The following CLEC12B variants were observed in gnomAD, a reference collection of about 807,000 sequenced individuals.
The protein encoded by CLEC12B is C-type lectin domain family 12 member B, also known as macrophage antigen h.
In CLEC12B, 25 loss-of-function variants were observed where a neutral mutation model predicts 36.1. The ratio of observed to expected loss-of-function variants is 0.69; its 90% CI spans 0.50 to 0.97. The LOEUF (loss-of-function observed/expected upper bound fraction) is 0.97. Ranked by LOEUF, CLEC12B falls within the 50% of genes least tolerant of loss-of-function variation. CLEC12B has a pLI of 0.00. For synonymous variants in CLEC12B, 110 were observed against 108.5 expected (o/e 1.01, Z -0.09); for missense variants, 325 against 318.4 (o/e 1.02, Z -0.16).
chr12:10,015,176 A>G (rs947040592), intron 3 of CLEC12B, 76 bp from the exon 4 acceptor site: 1 of 1,218,476 alleles, frequency 8.2e-7, no homozygotes, highest in South Asian at 1.4e-5. Flanking sequence ...GTTCAATTAC[A>G]TGATTTTGTT....
At chr12:10,011,992 A>G (rs766736910) in intron 1 of CLEC12B, among the ~76,000 whole-genome samples, 6 of 152,218 alleles carry the variant, frequency 3.9e-5, no homozygotes, top group Non-Finnish European at 5.9e-5. Flanking sequence ...ATCAAGGGAT[A>G]TGAAGCTAAG....
intron 4 of CLEC12B, 77 bp downstream of exon 4, chr12:10,015,483 CAT>C: frequency 6.4e-7 from 1 of 1,558,940 alleles, no homozygotes. Context: ...ATCTGATTCA[CAT>C]GATGGAAATT....
rs73257660 is a variant in CLEC12B, at chr12:10,011,757, G to A, written c.91+907G>A. Among the ~76,000 whole-genome samples the A allele has an allele frequency of 2.4e-3, 370 of 152,262 alleles. 3 individuals carry two copies. Among genetic ancestry groups the A allele is most frequent in the African/African-American group, 8.8e-3 (364 of 41,558 alleles). On this transcript the variant is annotated intron_variant, in intron 1 of 5. Coordinates refer to ENST00000338896, the MANE Select transcript of CLEC12B (RefSeq NM_001129998.3). ...TAGATTTATCTTTACATTTTGTGTGGTGCATGACATTTGAGGGAAGGATAT... is the reference window on the plus strand; with the variant it reads ...TAGATTTATCTTTACATTTTGTGTGATGCATGACATTTGAGGGAAGGATAT...
At chr12:10,015,932 T>C in intron 5 of CLEC12B, 1 of 1,374,818 alleles carries the variant, frequency 7.3e-7, no homozygotes, top group Non-Finnish European at 9.4e-7. Flanking sequence ...TTTTATCTTT[T>C]GGTAGAAATG....
chr12:10,011,793 C>T lies in CLEC12B; in HGVS notation c.91+943C>T, dbSNP rs184156150. ...TTGAGGGAAGGATATTTACAAAAAGCCGATGGGAATAGACTTTGCATATGT... is the reference window on the plus strand; with the variant it reads ...TTGAGGGAAGGATATTTACAAAAAGTCGATGGGAATAGACTTTGCATATGT... On this transcript the variant is annotated intron_variant, in intron 1 of 5. Transcript: ENST00000338896. 1.7e-4 allele frequency among the ~76,000 whole-genome samples: 26 copies of T among 152,266 alleles called. No homozygotes were observed. In the East Asian group the frequency reaches 5.0e-3, roughly 29 times the overall value.
upstream of CLEC12B, among the ~76,000 whole-genome samples, chr12:10,007,224 A>C (rs953649322): frequency 6.6e-6 from 1 of 152,098 alleles, no homozygotes; most frequent in African/African-American, 2.4e-5. Flanking sequence ...CGGTGAACAA[A>C]AGATGGCTTC....
intron 2 of CLEC12B, among the ~76,000 whole-genome samples, chr12:10,014,182 C>A (rs1467463712): frequency 6.6e-6 from 1 of 152,066 alleles, no homozygotes; most frequent in Non-Finnish European, 1.5e-5. Context: ...ATTAAAACAA[C>A]AATTACATCA....
intron 2 of CLEC12B, chr12:10,013,277 G>A (rs1865383102): frequency 4.1e-6 from 1 of 244,300 alleles, no homozygotes; most frequent in Non-Finnish European, 7.9e-6. Context: ...ACTAGACTAG[G>A]TTCAGTCTGC....
chr12:10,014,260 C>A (rs939338344), intron 2 of CLEC12B, among the ~76,000 whole-genome samples: 6 of 151,846 alleles, frequency 4.0e-5, no homozygotes, highest in Non-Finnish European at 8.8e-5. Context: ...AATGACTGGC[C>A]CTTCCTTAGA....
upstream of CLEC12B, among the ~76,000 whole-genome samples, chr12:10,009,215 C>A (rs949500906): frequency 6.6e-6 from 1 of 152,190 alleles, no homozygotes; most frequent in African/African-American, 2.4e-5. Flanking sequence ...CACAATAAAC[C>A]TTGCTACCAC....
chr12:10,012,778 T>C lies in CLEC12B; in HGVS notation c.92-7T>C. ...TGTGTGCTGATTGCTCTTTTGGCTT[T>C]CTCCAGGGCATCCAGCTCCATCTCC... On this transcript the variant is annotated splice_region_variant and splice_polypyrimidine_tract_variant and intron_variant, in intron 1 of 5. Transcript: ENST00000338896. 6.2e-7 allele frequency: 1 copy of C among 1,611,628 alleles called. No homozygotes were observed. Among genetic ancestry groups the C allele is most frequent in the South Asian group, 1.1e-5 (1 of 90,948 alleles).
In CLEC12B at chr12:10,018,439, C is replaced by G; in HGVS notation, c.789C>G (p.Cys263Trp). 6.4e-7 allele frequency: 1 copy of G among 1,550,522 alleles called. No homozygotes were observed. Among genetic ancestry groups the G allele is most frequent in the Non-Finnish European group, 8.7e-7 (1 of 1,146,508 alleles). The change falls in exon 6 of 6, where the codon TGC becomes TGG. Residue 263 changes from cysteine to tryptophan, a missense_variant. Coordinates refer to ENST00000338896, the MANE Select transcript of CLEC12B (RefSeq NM_001129998.3). Reference protein sequence around the residue: ...SRCSAEIFWICEKTAAPVKTE... With the variant: ...SRCSAEIFWIWEKTAAPVKTE... ...GTAGTGCTGAAATTTTTTGGATTTG[C>G]GAGAAGACAGCTGCCCCAGTGAAGA...
chr12:10,018,076 C>T (rs1865530888), intron 5 of CLEC12B: 1 of 696,152 alleles, frequency 1.4e-6, no homozygotes, highest in African/African-American at 1.9e-5. Context: ...TACAAATTCT[C>T]AGTCCAGGAT....
chr12:10,010,200 T>TCACACACACACACACACA (rs3053772), upstream of CLEC12B, among the ~76,000 whole-genome samples: 35 of 145,908 alleles, frequency 2.4e-4, no homozygotes, highest in African/African-American at 8.4e-4. Flanking sequence ...TGTCTCTCTC[T>TCACACACACACACACACA]CACACACACA....
Position 10,010,848 on chromosome 12 carries a change from G to T in CLEC12B, c.89G>T (p.Arg30Ile). The T allele has an allele frequency of 1.2e-6, 2 of 1,604,506 alleles. No individual in the cohort carries two copies. Among genetic ancestry groups the T allele is most frequent in the Non-Finnish European group, 1.7e-6 (2 of 1,172,228 alleles). Reference protein sequence around the residue: ...NNRDGNNLRKRGHPAPSPIWR... With the variant: ...NNRDGNNLRKIGHPAPSPIWR... ...CGAGATGGAAATAACCTAAGAAAAA[G>T]AGGTAGGAGTTCAGAGAAGACCAGC... The change falls in exon 1 of 6, where the codon AGA (arginine) becomes ATA (isoleucine). Residue 30 changes from arginine to isoleucine, a missense_variant and splice_region_variant. By Grantham distance (97) the Arg-to-Ile change is moderately conservative. Coordinates refer to ENST00000338896, the MANE Select transcript of CLEC12B (RefSeq NM_001129998.3).
At chr12:10,018,238 T>C in intron 5 of CLEC12B, 93 bp from the exon 6 acceptor site, 1 of 799,528 alleles carries the variant, frequency 1.3e-6, no homozygotes, top group South Asian at 2.3e-5. Flanking sequence ...CATATTCAGA[T>C]ACATGACATT....
At chr12:10,015,157 G>A (rs892825520) in intron 3 of CLEC12B, 95 bp from the exon 4 acceptor site, 25 of 1,042,668 alleles carry the variant, frequency 2.4e-5, no homozygotes, top group Non-Finnish European at 3.5e-5. Context: ...CAGGCTCTCA[G>A]TCCCTATTGT....
At position 10,018,331 on chromosome 12, in the gene CLEC12B, A is replaced by G; in HGVS notation, c.681A>G (p.Leu227=). 7.0e-7 allele frequency: 1 copy of G among 1,433,574 alleles called. No homozygotes were observed. The highest frequency in any genetic ancestry group is 1.3e-5 in the South Asian group (1 of 74,274). The allele number at this position is 1,433,574 out of a possible 1,614,324, so 88.8% of individuals were successfully genotyped here. A position where few individuals can be genotyped will look rare whatever the true frequency, so the allele number is the denominator to read the frequency against. ...TAATTAATTTTAAATTAATTTTCAGATTTAGTACTAAAGAACTTGACCAGA... is the reference window on the plus strand; with the variant it reads ...TAATTAATTTTAAATTAATTTTCAGGTTTAGTACTAAAGAACTTGACCAGA... ...WEDGSVPSPS[L]FSTKELDQIN... The change falls in exon 6 of 6, where the codon TTA becomes TTG. Residue 227 remains leucine, a splice_region_variant and synonymous_variant. Transcript: ENST00000338896.
At chr12:10,017,177 T>C (rs1424470964) in intron 5 of CLEC12B, 1 of 985,194 alleles carries the variant, frequency 1.0e-6, no homozygotes, top group African/African-American at 1.7e-5. Flanking sequence ...CCCCATTCTC[T>C]AATCACCATT....
Sources: gnomAD v4.1 joint callset for allele counts (sites outside exome capture counted in the v4.1 genomes callset) on GRCh38, gnomAD v4.1.1 for gene constraint, MANE v1.5 for transcripts, NCBI Gene and HGNC (gene_info 2026-07-23, HGNC 2026-07-21) for gene names.